Variants in UTRN observed in about 807,000 individuals in gnomAD.
The protein encoded by UTRN is dystrophin-related protein 1.
Under a neutral mutation model 463.9 loss-of-function variants are expected in UTRN, and 283 were observed. The ratio of observed to expected loss-of-function variants is 0.61; its 90% CI spans 0.55 to 0.67. The LOEUF is 0.67. Ranked by LOEUF, UTRN falls within the 30% of genes least tolerant of loss-of-function variation. The probability of loss-of-function intolerance (pLI) is 0.00; values close to 1 mark genes in which losing one functional copy is unlikely to be tolerated. For missense variants in UTRN, 3,922 were observed against 4,084.3 expected (o/e 0.96, Z 1.08); for synonymous variants, 1,442 against 1,431.5 (o/e 1.01, Z -0.17).
intron 51 of UTRN, among the ~76,000 whole-genome samples, chr6:144,615,189 G>T (rs1805953746): frequency 6.6e-6 from 1 of 152,124 alleles, no homozygotes; most frequent in Admixed American, 6.6e-5. Flanking sequence ...TGTAGTTTCA[G>T]TGGAGAGTCA....
intron 39 of UTRN, among the ~76,000 whole-genome samples, chr6:144,518,344 A>G (rs1005124938): frequency 3.9e-5 from 6 of 152,214 alleles, no homozygotes; most frequent in Non-Finnish European, 8.8e-5. Flanking sequence ...AGGTCTGTCA[A>G]TATAACGACA....
chr6:144,542,034 G>A (rs144791005), intron 45 of UTRN, among the ~76,000 whole-genome samples: 260 of 152,274 alleles, frequency 1.7e-3, no homozygotes, highest in African/African-American at 5.9e-3. Flanking sequence ...TGCATCACAA[G>A]GAATTTGAGC....
chr6:144,471,927 G>A (rs1273188300), intron 23 of UTRN, among the ~76,000 whole-genome samples: 2 of 152,146 alleles, frequency 1.3e-5, no homozygotes, highest in Non-Finnish European at 1.5e-5. Context: ...AAACTACAAA[G>A]TATAGAATAG....
chr6:144,622,205 T>TTTTTTG (rs1491132755), intron 51 of UTRN, among the ~76,000 whole-genome samples: 1 of 142,108 alleles, frequency 7.0e-6, no homozygotes, highest in Admixed American at 6.9e-5. Context: ...TTTTTTTTTT[T>TTTTTTG]GGAGACGGAG....
intron 51 of UTRN, among the ~76,000 whole-genome samples, chr6:144,584,668 TCTGGAAA>T (rs1344320225): frequency 6.6e-6 from 1 of 151,772 alleles, no homozygotes; most frequent in Non-Finnish European, 1.5e-5. Context: ...TATATTGCTG[TCTGGAAA>T]CTTTTTTTTT....
chr6:144,710,119 G>A (rs1465207793), intron 53 of UTRN, among the ~76,000 whole-genome samples: 1 of 152,064 alleles, frequency 6.6e-6, no homozygotes, highest in Non-Finnish European at 1.5e-5. Flanking sequence ...GTATCCAGAG[G>A]GAATACTTTA....
chr6:144,538,298 ATATT>A (rs541690384), intron 44 of UTRN, among the ~76,000 whole-genome samples: 152 of 152,284 alleles, frequency 1.0e-3, no homozygotes, highest in Middle Eastern at 3.4e-3. Flanking sequence ...GTATTCATAA[ATATT>A]TATTTTTTGT....
chr6:144,724,596 C>T (rs767643050), intron 53 of UTRN, among the ~76,000 whole-genome samples: 5 of 152,010 alleles, frequency 3.3e-5, no homozygotes, highest in Admixed American at 6.6e-5. Context: ...TCCCCTCCCT[C>T]CCCAGTTCCC....
At chr6:144,537,852 G>A (rs1797666314) in intron 44 of UTRN, 135 bp downstream of exon 44, 1 of 1,259,850 alleles carries the variant, frequency 7.9e-7, no homozygotes, top group Non-Finnish European at 1.1e-6. Flanking sequence ...CCTGAAAGAG[G>A]AATATCTTTT....
intron 3 of UTRN, among the ~76,000 whole-genome samples, chr6:144,412,394 A>C (rs1783976688): frequency 6.6e-6 from 1 of 152,196 alleles, no homozygotes; most frequent in Admixed American, 6.5e-5. Context: ...CATAGTGCTT[A>C]CTGATGCATT....
chr6:144,728,171 C>T (rs897295835), intron 53 of UTRN, among the ~76,000 whole-genome samples: 9 of 149,118 alleles, frequency 6.0e-5, no homozygotes, highest in Non-Finnish European at 7.4e-5. Flanking sequence ...TTGGAAATAT[C>T]TTGACCACTA....
At chr6:144,293,619 A>C in intron 2 of UTRN, among the ~76,000 whole-genome samples, 1 of 152,146 alleles carries the variant, frequency 6.6e-6, no homozygotes, top group East Asian at 1.9e-4. Context: ...AAACATTGTA[A>C]ACACCATGAA....
At chr6:144,777,128 G>C (rs1453228671) in intron 60 of UTRN, among the ~76,000 whole-genome samples, 1 of 152,178 alleles carries the variant, frequency 6.6e-6, no homozygotes, top group East Asian at 1.9e-4. Flanking sequence ...TTCTGGCACA[G>C]AGCAGGGGTT....
Position 144,461,226 on chromosome 6 carries a change from C to G in UTRN, c.2737C>G (p.Leu913Val). ...ELKGQPGHAY[L>V]ETLKTLKDVL... The stretch of plus-strand genomic sequence containing the variant: ...GAAGGGCCAACCTGGACATGCATAT[C>G]TGGAAACATTGAAAACACTGAAAGA... Residue 913 changes from leucine (L) to valine (V), a missense_variant, in exon 22 of 75, where the codon CTG becomes GTG. Physicochemically the swap from Leu to Val is conservative, Grantham distance 32 (BLOSUM62 1). Coordinates refer to ENST00000367545, the MANE Select transcript of UTRN (RefSeq NM_007124.3). The G allele has an allele frequency of 6.2e-7, 1 of 1,604,224 alleles. No homozygotes were observed. The highest frequency in any genetic ancestry group is 8.5e-7 in the Non-Finnish European group (1 of 1,174,840).
At chr6:144,785,880 CT>C (rs1227003638) in intron 61 of UTRN, among the ~76,000 whole-genome samples, 2 of 152,200 alleles carry the variant, frequency 1.3e-5, no homozygotes, top group Admixed American at 1.3e-4. Context: ...ATTTCACAAT[CT>C]TCCTTCTGGA....
intron 51 of UTRN, among the ~76,000 whole-genome samples, chr6:144,627,300 A>G (rs953736401): frequency 6.6e-6 from 1 of 152,224 alleles, no homozygotes. Context: ...CAAAGGGAGT[A>G]ATAGCTGTTA....
At chr6:144,639,368 T>A (rs1418285345) in intron 51 of UTRN, among the ~76,000 whole-genome samples, 1 of 152,190 alleles carries the variant, frequency 6.6e-6, no homozygotes, top group Non-Finnish European at 1.5e-5. Flanking sequence ...CAGATTTCTG[T>A]CCTTAAATCT....
intron 53 of UTRN, among the ~76,000 whole-genome samples, chr6:144,724,401 A>C (rs1354266672): frequency 6.6e-6 from 1 of 150,886 alleles, no homozygotes; most frequent in Non-Finnish European, 1.5e-5. Context: ...GCTAATTTTT[A>C]TATTTTTAGT....
At chr6:144,516,167 C>T in intron 37 of UTRN, 62 bp from the exon 38 acceptor site, 1 of 1,539,320 alleles carries the variant, frequency 6.5e-7, no homozygotes. Context: ...CCCCATCTCT[C>T]TGATTAATGA....
Sources: allele counts gnomAD v4.1 joint callset (sites outside exome capture counted in the v4.1 genomes callset), GRCh38; gene constraint gnomAD v4.1.1; transcripts MANE v1.5; gene names NCBI Gene and HGNC (gene_info 2026-07-23, HGNC 2026-07-21).